TM7SF3: variants seen among roughly 807,000 people sequenced by gnomAD.
The protein encoded by TM7SF3 is transmembrane 7 superfamily member 3.
TM7SF3 carries 60 observed loss-of-function variants against 65.5 expected under a neutral mutation model. That is an observed-to-expected ratio of 0.92 (90% CI 0.74 to 1.14). The LOEUF (loss-of-function observed/expected upper bound fraction) is 1.14. Among genes scored for constraint, TM7SF3 ranks in the 50% most tolerant of loss-of-function variants. The pLI, the probability that TM7SF3 is intolerant of heterozygous loss-of-function variation, is 0.00. For missense variants in TM7SF3, 623 were observed against 684.8 expected (o/e 0.91, Z 1.01); for synonymous variants, 264 against 259.6 (o/e 1.02, Z -0.16).
intron 5 of TM7SF3, among the ~76,000 whole-genome samples, chr12:26,994,832 G>A (rs530382553): frequency 4.4e-4 from 67 of 152,334 alleles, no homozygotes; most frequent in African/African-American, 1.5e-3. Flanking sequence ...GTTAGACTTT[G>A]AGTTTGGGTT....
chr12:27,012,823 C>T lies in TM7SF3; in HGVS notation c.91+1255G>A, dbSNP rs1335231685. The T allele has an allele frequency of 2.6e-5, 11 of 420,920 alleles. 1 individual carries two copies. The highest frequency in any genetic ancestry group is 5.4e-5 in the Admixed American group (2 of 37,096). The allele number at this position is 420,920 out of a possible 1,614,324, so 26.1% of individuals were successfully genotyped here. ...GACCAGCCTGAACAACATGGTGAAA[C>T]CCCGCCTGTACTAAAAATACAAAAA... On this transcript the variant is annotated intron_variant, in intron 1 of 11. Transcript: ENST00000343028.
Position 26,973,450 on chromosome 12 carries a change from G to A in TM7SF3, c.*515C>T, listed in dbSNP as rs1939441655. On this transcript the variant is annotated 3_prime_UTR_variant, in exon 12 of 12. Coordinates refer to ENST00000343028, the MANE Select transcript of TM7SF3 (RefSeq NM_016551.3). ...TTGGCTTCCCAGTATTGGGATTACA[G>A]GTGTGAGCCACCATGTCTGGCTTGC... 1 of 152,912 alleles carries A rather than the reference G, an allele frequency of 6.5e-6. No individual in the cohort carries two copies. The highest frequency in any genetic ancestry group is 1.5e-5 in the Non-Finnish European group (1 of 68,690). The allele number at this position is 152,912 out of a possible 1,614,324, so 9.5% of individuals were successfully genotyped here. A position where few individuals can be genotyped will look rare whatever the true frequency, so the allele number is the denominator to read the frequency against.
intron 2 of TM7SF3, among the ~76,000 whole-genome samples, chr12:27,002,518 T>C (rs1437337635): frequency 6.6e-6 from 1 of 152,148 alleles, no homozygotes; most frequent in Admixed American, 6.5e-5. Context: ...TATTATAATA[T>C]AGGCTTAGGA....
intron 1 of TM7SF3, among the ~76,000 whole-genome samples, chr12:27,005,804 ATTT>A (rs777552897): frequency 6.9e-6 from 1 of 144,880 alleles, no homozygotes. Flanking sequence ...ATTTTAACTG[ATTT>A]TTTTTTTTTT....
At chr12:26,996,629 A>G in intron 4 of TM7SF3, 113 bp downstream of exon 4, 3 of 1,138,994 alleles carry the variant, frequency 2.6e-6, no homozygotes, top group Non-Finnish European at 3.7e-6. Flanking sequence ...CCCCCCAAAA[A>G]TTAACTCAAT....
rs1336733497 is a variant in TM7SF3, at chr12:26,979,893, C to T, written c.1080G>A (p.Met360Ile). ...LTAVTGSVGG[M>I]FLVAVWWRFG... is the part of the protein sequence containing the mutation. Reference sequence around the variant, plus strand: ...ATCGCCACCACACAGCTACCAAGAACATTCCACCGACGCTTCCAGTGACAG... The same window carrying T: ...ATCGCCACCACACAGCTACCAAGAATATTCCACCGACGCTTCCAGTGACAG... The change falls in exon 9 of 12, where the codon ATG (methionine) becomes ATA (isoleucine). Residue 360 changes from methionine to isoleucine, a missense_variant. Met to Ile is a conservative substitution (Grantham distance 10). Transcript: ENST00000343028. 5.0e-6 allele frequency: 8 copies of T among 1,614,204 alleles called. No individual in the cohort carries two copies. The South Asian group carries it at 8.8e-5, about 18-fold the overall frequency.
intron 6 of TM7SF3, among the ~76,000 whole-genome samples, chr12:26,984,564 T>G (rs1939961309): frequency 1.3e-5 from 2 of 152,120 alleles, no homozygotes; most frequent in African/African-American, 4.8e-5. Context: ...ACCATTAAAT[T>G]TGCTGGGATG....
intron 5 of TM7SF3, among the ~76,000 whole-genome samples, chr12:26,992,758 A>G (rs1940427060): frequency 1.3e-5 from 2 of 152,202 alleles, no homozygotes; most frequent in African/African-American, 4.8e-5. Flanking sequence ...AATTATCAAA[A>G]CTAAAATCAA....
chr12:26,980,639 G>T lies in TM7SF3; in HGVS notation c.963C>A (p.Phe321Leu). The T allele has an allele frequency of 1.3e-6, 2 of 1,555,586 alleles. No homozygotes were observed. Among genetic ancestry groups the T allele is most frequent in the Non-Finnish European group, 1.8e-6 (2 of 1,142,102 alleles). Residue 321 changes from phenylalanine (F) to leucine (L), a missense_variant, in exon 8 of 12, where the codon TTC becomes TTA. Transcript: ENST00000343028. The stretch of plus-strand genomic sequence containing the variant: ...ATCCCATGATGATAAAGCCTATGAA[G>T]AATAATTCTAAGTGGCAAACCACCA... ...FGHRFWKTEL[F>L]FIGFIIMGFF... is the part of the protein sequence containing the mutation.
rs549188611 is a variant in TM7SF3 at position 26,972,274 on chromosome 12, ACTTTAAGGATGAAG to A, written c.*1677_*1690del. 1.2e-3 allele frequency: 181 copies of A among 152,290 alleles called. 1 individual carries two copies. The highest frequency in any genetic ancestry group is 4.2e-3 in the African/African-American group (174 of 41,556). 9.4% of individuals were successfully genotyped at this position (152,290 alleles called of 1,614,324 possible). A position where few individuals can be genotyped will look rare whatever the true frequency, so the allele number is the denominator to read the frequency against. ...AATCCTTTTTGACTCCATTCTCATCACTTTAAGGATGAAGCCTTTCTGTACAAAGGCTTTGTACA... is the reference window on the plus strand; with the variant it reads ...AATCCTTTTTGACTCCATTCTCATCACCTTTCTGTACAAAGGCTTTGTACA... On this transcript the variant is annotated 3_prime_UTR_variant, in exon 12 of 12. Coordinates refer to ENST00000343028, the MANE Select transcript of TM7SF3 (RefSeq NM_016551.3).
At chr12:26,978,294 A>G in intron 9 of TM7SF3, 1 of 169,046 alleles carries the variant, frequency 5.9e-6, no homozygotes, top group South Asian at 1.1e-4. Context: ...AAATTAAGAG[A>G]CCTCTTTATT....
rs936596355 is a variant in TM7SF3 at position 27,003,812 on chromosome 12, C to G, written c.92-422G>C. On this transcript the variant is annotated intron_variant, in intron 1 of 11. Transcript: ENST00000343028. ...AGTGAATTCTGAAGTCAGCGTAGCC[C>G]GAAGAGACACAGGTGGCTGCAATTT... Among the ~76,000 whole-genome samples, 5 of 152,206 alleles carry G rather than the reference C, an allele frequency of 3.3e-5. No individual in the cohort carries two copies. The South Asian group carries it at 1.0e-3, about 32-fold the overall frequency.
In TM7SF3 at chr12:26,972,158, G is replaced by C. The variant is rs1278790180; in HGVS notation, c.*1807C>G. 6.6e-6 allele frequency: 1 copy of C among 152,202 alleles called. No homozygotes were observed. Among genetic ancestry groups the C allele is most frequent in the Non-Finnish European group, 1.5e-5 (1 of 68,044 alleles). The allele number at this position is 152,202 out of a possible 1,614,324, so 9.4% of individuals were successfully genotyped here. ...CTGAGTAGTAAGTATGCAACCCAGG[G>C]TGTCGGGTGCTTTCTTGTGGTGAAA... On this transcript the variant is annotated 3_prime_UTR_variant, in exon 12 of 12. Transcript: ENST00000343028.
rs1335460725 is a variant in TM7SF3 at position 27,003,274 on chromosome 12, G to A, written c.208C>T (p.His70Tyr). Reference sequence around the variant, plus strand: ...ACAGTTGTATTCTGATACTGTGAGTGTATTTGGAAAATAAGAAAAGTCACA... The same window carrying A: ...ACAGTTGTATTCTGATACTGTGAGTATATTTGGAAAATAAGAAAAGTCACA... ...SNVTFLIFQIHSQYQNTTVSF... is the reference protein window; with the variant it reads ...SNVTFLIFQIYSQYQNTTVSF... The change falls in exon 2 of 12, where the codon CAC (histidine) becomes TAC (tyrosine). Residue 70 changes from histidine to tyrosine, a missense_variant. His to Tyr is a moderately conservative substitution (Grantham distance 83, BLOSUM62 2). Transcript: ENST00000343028. 11 of 1,612,778 alleles carry A rather than the reference G, an allele frequency of 6.8e-6. No individual in the cohort carries two copies. The highest frequency in any genetic ancestry group is 1.7e-5 in the Admixed American group (1 of 59,992).
intron 8 of TM7SF3, 123 bp downstream of exon 8, chr12:26,980,443 A>G (rs1488658152): frequency 3.0e-6 from 2 of 656,998 alleles, no homozygotes; most frequent in East Asian, 5.6e-5. Flanking sequence ...TAGATGGACC[A>G]TTATTTTACA....
At chr12:27,003,139 T>C in intron 2 of TM7SF3, 97 bp downstream of exon 2, 1 of 852,638 alleles carries the variant, frequency 1.2e-6, no homozygotes, top group Non-Finnish European at 1.8e-6. Context: ...ATCATAAACA[T>C]AAAAGAGATA....
intron 1 of TM7SF3, chr12:27,012,580 C>T: frequency 2.2e-6 from 1 of 455,796 alleles, no homozygotes; most frequent in South Asian, 1.5e-5. Flanking sequence ...GATGATCTGC[C>T]TGGCACAACT....
At chr12:26,982,133 A>G (rs1454774869) in intron 7 of TM7SF3, among the ~76,000 whole-genome samples, 2 of 152,020 alleles carry the variant, frequency 1.3e-5, no homozygotes, top group Non-Finnish European at 2.9e-5. Context: ...TCCCGGGCTC[A>G]AGCAATCCTC....
chr12:27,012,533 C>G (rs764210258), intron 1 of TM7SF3, among the ~76,000 whole-genome samples: 4 of 152,104 alleles, frequency 2.6e-5, no homozygotes, highest in Non-Finnish European at 5.9e-5. Flanking sequence ...AACCTCAAAA[C>G]AAAACAGAAT....
Sources: gnomAD v4.1 joint callset for allele counts (sites outside exome capture counted in the v4.1 genomes callset) on GRCh38, gnomAD v4.1.1 for gene constraint, MANE v1.5 for transcripts, NCBI Gene and HGNC (gene_info 2026-07-23, HGNC 2026-07-21) for gene names.